SHISA9: variants seen among roughly 807,000 people sequenced by gnomAD.
SHISA9 encodes the protein shisa family member 9.
Under a neutral mutation model 38.0 loss-of-function variants are expected in SHISA9, and 13 were observed. The ratio of observed to expected loss-of-function variants is 0.34; its 90% CI spans 0.22 to 0.54. The LOEUF is 0.54. SHISA9 is among the 20% of genes least tolerant of loss of function. The pLI is 0.91. For synonymous variants in SHISA9, 275 were observed against 242.0 expected (o/e 1.14, Z -1.27); for missense variants, 538 against 575.8 (o/e 0.93, Z 0.67).
intron 2 of SHISA9, among the ~76,000 whole-genome samples, chr16:12,967,525 G>T (rs1042286563): frequency 6.6e-6 from 1 of 151,806 alleles, no homozygotes; most frequent in African/African-American, 2.4e-5. Context: ...AAACCTGCAC[G>T]TTGTGCACAT....
At chr16:13,049,067 C>G (rs781669089) in intron 2 of SHISA9, among the ~76,000 whole-genome samples, 29 of 151,940 alleles carry the variant, frequency 1.9e-4, no homozygotes, top group Admixed American at 1.2e-3. Flanking sequence ...AAAAAATTTG[C>G]TTTGTGTTCC....
chr16:13,549,586 G>T, the SHISA9 span, among the ~76,000 whole-genome samples: 2 of 152,014 alleles, frequency 1.3e-5, no homozygotes, highest in African/African-American at 2.4e-5. Context: ...TTTTTTGCCA[G>T]CTATCTGCAC....
At chr16:13,281,035 A>T in the SHISA9 span, among the ~76,000 whole-genome samples, 1 of 151,816 alleles carries the variant, frequency 6.6e-6, no homozygotes, top group Non-Finnish European at 1.5e-5. Context: ...ATTACTTTTA[A>T]TATGCCATGT....
chr16:12,988,336 C>G (rs2141829784), intron 2 of SHISA9, among the ~76,000 whole-genome samples: 1 of 152,320 alleles, frequency 6.6e-6, no homozygotes, highest in Admixed American at 6.5e-5. Context: ...CGCAGGTCGT[C>G]CCCTTCTGCC....
chr16:13,544,833 C>T, the SHISA9 span, among the ~76,000 whole-genome samples: 2 of 152,134 alleles, frequency 1.3e-5, no homozygotes, highest in African/African-American at 4.8e-5. Context: ...ATCCCAGCTA[C>T]TCAGGAGGCT....
intron 2 of SHISA9, among the ~76,000 whole-genome samples, chr16:12,959,248 T>TGCAAG (rs2071876465): frequency 6.6e-6 from 1 of 152,244 alleles, no homozygotes; most frequent in Non-Finnish European, 1.5e-5. Flanking sequence ...AGGAATGGAA[T>TGCAAG]GCAAGACTAG....
intron 2 of SHISA9, among the ~76,000 whole-genome samples, chr16:13,100,700 G>A (rs1481929408): frequency 6.6e-6 from 1 of 152,078 alleles, no homozygotes; most frequent in African/African-American, 2.4e-5. Context: ...CTGCTTCTAC[G>A]AGTTTGGCTA....
chr16:13,308,006 G>T, the SHISA9 span, among the ~76,000 whole-genome samples: 7 of 152,174 alleles, frequency 4.6e-5, no homozygotes, highest in Non-Finnish European at 8.8e-5. Flanking sequence ...TTACAGACCA[G>T]GGAAAATTTG....
chr16:13,306,777 G>A, the SHISA9 span, among the ~76,000 whole-genome samples: 77 of 152,166 alleles, frequency 5.1e-4, no homozygotes, highest in Non-Finnish European at 9.0e-4. Context: ...AGACTCCTAA[G>A]TCATACACTG....
chr16:13,145,210 C>G (rs1271015284), intron 2 of SHISA9, among the ~76,000 whole-genome samples: 1 of 152,144 alleles, frequency 6.6e-6, no homozygotes, highest in Non-Finnish European at 1.5e-5. Flanking sequence ...GCCCTGCCCT[C>G]AAATCCCAAT....
the SHISA9 span, among the ~76,000 whole-genome samples, chr16:13,558,187 A>T: frequency 6.6e-6 from 1 of 152,284 alleles, no homozygotes; most frequent in Non-Finnish European, 1.5e-5. Flanking sequence ...TGGGCTAATC[A>T]CTATCTCTCT....
chr16:13,335,511 T>C, the SHISA9 span, among the ~76,000 whole-genome samples: 5 of 152,208 alleles, frequency 3.3e-5, no homozygotes, highest in Non-Finnish European at 7.3e-5. Flanking sequence ...AGGAATATGC[T>C]GTCTTAGAAG....
At chr16:13,349,800 G>C in the SHISA9 span, among the ~76,000 whole-genome samples, 4 of 152,150 alleles carry the variant, frequency 2.6e-5, no homozygotes, top group Admixed American at 6.5e-5. Flanking sequence ...GGTTACTTTT[G>C]TTTAGATGAA....
At chr16:13,496,840 A>G in the SHISA9 span, among the ~76,000 whole-genome samples, 1 of 152,196 alleles carries the variant, frequency 6.6e-6, no homozygotes, top group Non-Finnish European at 1.5e-5. Context: ...TGGCCAAGAG[A>G]TGAAGATATA....
intron 2 of SHISA9, among the ~76,000 whole-genome samples, chr16:12,924,556 G>T (rs1272732304): frequency 1.3e-5 from 2 of 152,138 alleles, no homozygotes; most frequent in Non-Finnish European, 2.9e-5. Context: ...TCTATCTGAA[G>T]ATCTATGATT....
At chr16:12,922,678 C>A (rs779777856) in intron 2 of SHISA9, among the ~76,000 whole-genome samples, 1 of 152,138 alleles carries the variant, frequency 6.6e-6, no homozygotes, top group Non-Finnish European at 1.5e-5. Context: ...TGCCACCACA[C>A]CCGGTTGATT....
the SHISA9 span, among the ~76,000 whole-genome samples, chr16:13,272,078 A>T: frequency 2.3e-4 from 19 of 84,276 alleles, no homozygotes; most frequent in South Asian, 3.5e-4. Context: ...TCTCAAAATT[A>T]AAAAAAAAAA....
intron 2 of SHISA9, among the ~76,000 whole-genome samples, chr16:12,952,240 C>T (rs987502682): frequency 1.3e-5 from 2 of 152,206 alleles, no homozygotes; most frequent in African/African-American, 4.8e-5. Context: ...CAAAATGATT[C>T]TTGGTCTCCA....
chr16:13,498,644 C>A, the SHISA9 span, among the ~76,000 whole-genome samples: 2 of 152,070 alleles, frequency 1.3e-5, no homozygotes, highest in Non-Finnish European at 2.9e-5. Flanking sequence ...GTAATCCCAA[C>A]TACTTGGGAG....
Sources: gnomAD v4.1 joint callset for allele counts (sites outside exome capture counted in the v4.1 genomes callset) on GRCh38, gnomAD v4.1.1 for gene constraint, MANE v1.5 for transcripts, NCBI Gene and HGNC (gene_info 2026-07-23, HGNC 2026-07-21) for gene names.